The following STPG2 variants were observed in gnomAD, a reference collection of about 807,000 sequenced individuals.
STPG2 encodes sperm-tail PG-rich repeat-containing protein 2.
STPG2 carries 56 observed loss-of-function variants against 54.2 expected under a neutral mutation model. The ratio of observed to expected loss-of-function variants is 1.03; its 90% CI spans 0.83 to 1.29. STPG2 has a LOEUF of 1.29. Among genes scored for constraint, STPG2 ranks in the 50% most tolerant of loss-of-function variants. The probability of loss-of-function intolerance (pLI) is 0.00; values close to 1 mark genes in which losing one functional copy is unlikely to be tolerated. For synonymous variants in STPG2, 200 were observed against 181.8 expected (o/e 1.10, Z -0.81); for missense variants, 596 against 544.9 (o/e 1.09, Z -0.93).
intron 10 of STPG2, among the ~76,000 whole-genome samples, chr4:97,599,833 A>AGAAAG (rs1553941566): frequency 6.8e-6 from 1 of 147,168 alleles, no homozygotes; most frequent in African/African-American, 2.7e-5. Context: ...CAAAAAAAAA[A>AGAAAG]AAAAGAAAAG....
Position 97,872,063 on chromosome 4 carries a change from G to A in STPG2, c.1045-31131C>T, listed in dbSNP as rs1730010658. On this transcript the variant is annotated intron_variant, in intron 8 of 10. Transcript: ENST00000295268. ...TCATATGATCATCTCATAAATGTTAGAAAGACCTTTAACAAAGGTTAATAC... is the reference window on the plus strand; with the variant it reads ...TCATATGATCATCTCATAAATGTTAAAAAGACCTTTAACAAAGGTTAATAC... Among the ~76,000 whole-genome samples the A allele has an allele frequency of 3.3e-5, 5 of 151,062 alleles. 1 individual carries two copies. The South Asian group carries it at 8.3e-4, about 25-fold the overall frequency.
chr4:97,638,151 G>T (rs928422870), intron 10 of STPG2, among the ~76,000 whole-genome samples: 1 of 152,046 alleles, frequency 6.6e-6, no homozygotes, highest in African/African-American at 2.4e-5. Flanking sequence ...CAGAGATATA[G>T]ATCAATGGAA....
chr4:98,059,559 A>G (rs943650678), intron 5 of STPG2, among the ~76,000 whole-genome samples: 5 of 151,966 alleles, frequency 3.3e-5, no homozygotes, highest in Non-Finnish European at 5.9e-5. Flanking sequence ...CTATGAGGCC[A>G]ATATCATCCT....
chr4:97,829,892 G>A (rs925622992), intron 9 of STPG2, among the ~76,000 whole-genome samples: 7 of 152,072 alleles, frequency 4.6e-5, no homozygotes, highest in South Asian at 2.1e-4. Context: ...ACAAATCTAC[G>A]TTTGTTAGGT....
intron 5 of STPG2, among the ~76,000 whole-genome samples, chr4:98,036,606 T>C (rs1482857413): frequency 6.6e-6 from 1 of 151,414 alleles, no homozygotes; most frequent in Non-Finnish European, 1.5e-5. Context: ...AGCTAAATGA[T>C]GAGAACACAT....
chr4:98,021,648 G>T (rs1560640514), intron 5 of STPG2, among the ~76,000 whole-genome samples: 1 of 152,060 alleles, frequency 6.6e-6, no homozygotes, highest in Non-Finnish European at 1.5e-5. Context: ...TTGTGTGGGA[G>T]TCTAAGTCTC....
Position 97,615,901 on chromosome 4 carries a change from G to A in STPG2, c.1321-56784C>T, listed in dbSNP as rs564858211. ...AAATACAAAAAATTAGCCAGGTGTG[G>A]TGGCACACACCTGTAATCCCAGTTA... On this transcript the variant is annotated intron_variant, in intron 10 of 10. Coordinates refer to ENST00000295268, the MANE Select transcript of STPG2 (RefSeq NM_174952.3). 4.1e-3 allele frequency among the ~76,000 whole-genome samples: 612 copies of A among 150,446 alleles called. 3 individuals are homozygous for A. The highest frequency in any genetic ancestry group is 0.02 in the South Asian group (96 of 4,750).
At chr4:97,475,688 T>C (rs1454934491) in intron 4 of STPG2, among the ~76,000 whole-genome samples, 6 of 152,172 alleles carry the variant, frequency 3.9e-5, no homozygotes, top group East Asian at 1.9e-4. Flanking sequence ...GCTTCACTGT[T>C]AATTGCTCTG....
chr4:98,044,463 T>C (rs783922), intron 5 of STPG2, among the ~76,000 whole-genome samples: 147,178 of 152,274 alleles, frequency 0.97, 71,168 homozygotes, highest in Middle Eastern at 1. Context: ...TTCTAGATTT[T>C]CTCTACCTTT....
chr4:97,729,604 G>A (rs1422478508), intron 9 of STPG2, among the ~76,000 whole-genome samples: 4 of 152,198 alleles, frequency 2.6e-5, no homozygotes, highest in Non-Finnish European at 5.9e-5. Context: ...ACACAATCAG[G>A]AATTTGAAAC....
chr4:97,900,500 T>C (rs1414379606), intron 8 of STPG2, among the ~76,000 whole-genome samples: 1 of 151,986 alleles, frequency 6.6e-6, no homozygotes, highest in Non-Finnish European at 1.5e-5. Flanking sequence ...CTATTCACAA[T>C]ACCAAAGACA....
intron 7 of STPG2, among the ~76,000 whole-genome samples, chr4:97,957,969 A>G (rs1733742061): frequency 6.6e-6 from 1 of 152,162 alleles, no homozygotes; most frequent in Non-Finnish European, 1.5e-5. Context: ...GAACCTCTTT[A>G]GACCATAAAT....
In STPG2 at chr4:97,991,331, CAT is replaced by C. The variant is rs113634927; in HGVS notation, c.613-10015_613-10014del. ...ACACACATATATATACACACATACA[CAT>C]ATATATATGTGTGTATATATGTGTG... On this transcript the variant is annotated intron_variant, in intron 5 of 10. Coordinates refer to ENST00000295268, the MANE Select transcript of STPG2 (RefSeq NM_174952.3). Among the ~76,000 whole-genome samples, 660 of 150,008 alleles carry C rather than the reference CAT, an allele frequency of 4.4e-3. 6 individuals are homozygous for C. Among genetic ancestry groups the C allele is most frequent in the African/African-American group, 0.012 (502 of 40,712 alleles).
intron 5 of STPG2, among the ~76,000 whole-genome samples, chr4:98,086,692 C>A (rs995236672): frequency 1.0e-5 from 1 of 99,052 alleles, no homozygotes; most frequent in African/African-American, 4.0e-5. Flanking sequence ...AAAAAAGGTG[C>A]CCTGCACAAA....
At chr4:98,030,513 T>C (rs1294969397) in intron 5 of STPG2, among the ~76,000 whole-genome samples, 1 of 152,186 alleles carries the variant, frequency 6.6e-6, no homozygotes, top group African/African-American at 2.4e-5. Flanking sequence ...ACCATTGACA[T>C]TCTTCAGAGA....
rs1432177140 is a variant in STPG2 at position 97,936,820 on chromosome 4, T to C, written c.1044+7077A>G. On this transcript the variant is annotated intron_variant, in intron 8 of 10. Coordinates refer to ENST00000295268, the MANE Select transcript of STPG2 (RefSeq NM_174952.3). Reference sequence around the variant, plus strand: ...CTGGCTGCCCTTAACATTTTGTTTTTCATTTCAACCTTAGAGAATCTGATG... The same window carrying C: ...CTGGCTGCCCTTAACATTTTGTTTTCCATTTCAACCTTAGAGAATCTGATG... Among the ~76,000 whole-genome samples the C allele has an allele frequency of 3.9e-5, 6 of 152,314 alleles. 1 individual carries two copies. The South Asian group carries it at 8.3e-4, about 21-fold the overall frequency.
intron 9 of STPG2, among the ~76,000 whole-genome samples, chr4:97,739,024 C>A (rs1215429762): frequency 6.6e-6 from 1 of 151,798 alleles, no homozygotes; most frequent in Non-Finnish European, 1.5e-5. Context: ...TCTCAGACCA[C>A]AGTGCAATCA....
In STPG2 at chr4:97,629,441, T is replaced by C. The variant is rs551824798; in HGVS notation, c.1321-70324A>G. Among the ~76,000 whole-genome samples, 628 of 152,134 alleles carry C rather than the reference T, an allele frequency of 4.1e-3. 3 individuals are homozygous for C. The highest frequency in any genetic ancestry group is 0.02 in the South Asian group (98 of 4,830). Reference sequence around the variant, plus strand: ...AGGACTTCTGATAGACAAGTGTGGATTCCTTTAGAAACAAAACAAGATGAA... The same window carrying C: ...AGGACTTCTGATAGACAAGTGTGGACTCCTTTAGAAACAAAACAAGATGAA... On this transcript the variant is annotated intron_variant, in intron 10 of 10. Coordinates refer to ENST00000295268, the MANE Select transcript of STPG2 (RefSeq NM_174952.3).
intron 9 of STPG2, among the ~76,000 whole-genome samples, chr4:97,775,174 G>A (rs1726337651): frequency 6.6e-6 from 1 of 152,110 alleles, no homozygotes; most frequent in Non-Finnish European, 1.5e-5. Flanking sequence ...TAGATTACTG[G>A]GAATAATAAA....
Sources: allele counts gnomAD v4.1 joint callset (sites outside exome capture counted in the v4.1 genomes callset), GRCh38; gene constraint gnomAD v4.1.1; transcripts MANE v1.5; gene names NCBI Gene and HGNC (gene_info 2026-07-23, HGNC 2026-07-21).